Variants in WFDC5 observed in about 807,000 individuals in gnomAD.
The protein encoded by WFDC5 is WAP four-disulfide core domain 5.
Under a neutral mutation model 15.7 loss-of-function variants are expected in WFDC5, and 15 were observed. The ratio of observed to expected loss-of-function variants is 0.96; its 90% CI spans 0.64 to 1.47. The LOEUF (loss-of-function observed/expected upper bound fraction) is 1.47, where lower values mean the gene tolerates loss of function less well. Ranked by LOEUF, WFDC5 falls within the 40% of genes most tolerant of loss-of-function variation. The pLI is 0.00. For missense variants in WFDC5, 280 were observed against 258.0 expected, an observed-to-expected ratio of 1.09 and a Z score of -0.59; for synonymous variants, 109 against 107.7, an observed-to-expected ratio of 1.01 and a Z score of -0.07.
At chr20:45,110,343 T>C (rs756793359) in intron 3 of WFDC5, 57 bp downstream of exon 3, 1 of 1,546,840 alleles carries the variant, frequency 6.5e-7, no homozygotes, top group Non-Finnish European at 8.7e-7. Flanking sequence ...ATGAAGAAAG[T>C]ATTAGAGCTG....
chr20:45,114,272 G>T (rs1262826245), intron 1 of WFDC5, among the ~76,000 whole-genome samples: 1 of 152,142 alleles, frequency 6.6e-6, no homozygotes, highest in East Asian at 1.9e-4. Context: ...CCCAGAAAAG[G>T]ACGCAGGTGG....
intron 1 of WFDC5, among the ~76,000 whole-genome samples, chr20:45,114,086 C>T (rs1981691184): frequency 6.6e-6 from 1 of 152,204 alleles, no homozygotes; most frequent in South Asian, 2.1e-4. Flanking sequence ...TAGTCCTGTC[C>T]TCACAGCACC....
At chr20:45,110,910 T>C (rs991915335) in intron 1 of WFDC5, 135 bp from the exon 2 acceptor site, 9 of 1,245,544 alleles carry the variant, frequency 7.2e-6, no homozygotes, top group Non-Finnish European at 9.9e-6. Flanking sequence ...TATTTTTGTT[T>C]GTTTGTTTGT....
exon 2 of WFDC5, chr20:45,110,767 C>A (rs1981595679): frequency 6.2e-7 from 1 of 1,613,936 alleles, no homozygotes; most frequent in South Asian, 1.1e-5. Context: ...GGGCAGCCCC[C>A]CGATTTCTCT....
chr20:45,110,021 G>T lies in WFDC5; in HGVS notation c.394-8C>A. On this transcript the variant is annotated splice_region_variant and splice_polypyrimidine_tract_variant and intron_variant, in intron 3 of 3. Coordinates refer to ENST00000307971, the Ensembl canonical transcript of WFDC5. ...TCCTAAATCAGAATTAGCCTGAGGA[G>T]GGAGAAAGAAAGGGTTAATTCCTTC... 6.2e-7 allele frequency: 1 copy of T among 1,611,314 alleles called. No individual in the cohort carries two copies. The highest frequency in any genetic ancestry group is 8.5e-7 in the Non-Finnish European group (1 of 1,177,636).
At chr20:45,110,671 T>C (rs766988444) in exon 2 of WFDC5, 7 of 1,614,012 alleles carry the variant, frequency 4.3e-6, no homozygotes, top group Non-Finnish European at 5.9e-6. Flanking sequence ...AAGCAAGCTC[T>C]GTAGCAGCAC....
chr20:45,111,278 G>GC (rs1981610497), intron 1 of WFDC5, among the ~76,000 whole-genome samples: 1 of 122,506 alleles, frequency 8.2e-6, no homozygotes, highest in African/African-American at 3.4e-5. Context: ...AACTAGGTCA[G>GC]CGCCCCCCCA....
At chr20:45,114,067 G>A (rs902536066) in intron 1 of WFDC5, among the ~76,000 whole-genome samples, 7 of 152,172 alleles carry the variant, frequency 4.6e-5, no homozygotes. Flanking sequence ...TGCAAAATGG[G>A]GATGAAAATA....
exon 4 of WFDC5, chr20:45,109,749 C>T (rs1249122023): frequency 1.4e-6 from 1 of 719,062 alleles, no homozygotes; most frequent in East Asian, 2.7e-5. Flanking sequence ...GGGTGGGAAG[C>T]TCGTATGGCA....
chr20:45,115,496 A>AG (rs1981739881), upstream of WFDC5, among the ~76,000 whole-genome samples: 7 of 152,270 alleles, frequency 4.6e-5, no homozygotes, highest in South Asian at 1.5e-3. Flanking sequence ...TGAATAGCAA[A>AG]GGAGTGGGGG....
chr20:45,114,229 T>A (rs1981696146), intron 1 of WFDC5, among the ~76,000 whole-genome samples: 1 of 152,094 alleles, frequency 6.6e-6, no homozygotes, highest in Non-Finnish European at 1.5e-5. Context: ...GGGCAAGGGT[T>A]GCACAGGTGA....
intron 1 of WFDC5, among the ~76,000 whole-genome samples, chr20:45,111,290 C>G (rs1981613311): frequency 7.4e-6 from 1 of 135,642 alleles, no homozygotes; most frequent in South Asian, 2.3e-4. Flanking sequence ...GCCCCCCCAC[C>G]CCGGCCCCCA....
chr20:45,115,675 A>C (rs1262179647), upstream of WFDC5, among the ~76,000 whole-genome samples: 4 of 152,160 alleles, frequency 2.6e-5, no homozygotes, highest in African/African-American at 9.7e-5. Context: ...TGAGATCACC[A>C]GTGGCTTCTG....
intron 1 of WFDC5, among the ~76,000 whole-genome samples, chr20:45,113,534 T>G (rs1981676906): frequency 6.6e-6 from 1 of 152,354 alleles, no homozygotes; most frequent in East Asian, 1.9e-4. Flanking sequence ...CACCCACTTA[T>G]GCTGTGCTTA....
chr20:45,115,873 A>C (rs1037280922), upstream of WFDC5, among the ~76,000 whole-genome samples: 2 of 152,136 alleles, frequency 1.3e-5, no homozygotes, highest in Non-Finnish European at 2.9e-5. Context: ...CGTATCTCTG[A>C]TGTTGCCTCC....
Position 45,111,654 on chromosome 20 carries a change from T to C in WFDC5, c.86-879A>G, listed in dbSNP as rs77808269. 3.6e-3 allele frequency among the ~76,000 whole-genome samples: 555 copies of C among 152,320 alleles called. 3 individuals carry two copies. The Middle Eastern group carries it at 0.051, about 14-fold the overall frequency. ...TTCCTCTGAATGGTATAGAGTGTCC[T>C]GTCCCAGAGCTTACCTAACATTCTT... On this transcript the variant is annotated intron_variant, in intron 1 of 3. Coordinates refer to ENST00000307971, the Ensembl canonical transcript of WFDC5.
intron 1 of WFDC5, among the ~76,000 whole-genome samples, chr20:45,111,026 C>T (rs1981602234): frequency 6.6e-6 from 1 of 152,234 alleles, no homozygotes; most frequent in Non-Finnish European, 1.5e-5. Context: ...CCAACATCTC[C>T]ACTGTGGCCA....
intron 1 of WFDC5, among the ~76,000 whole-genome samples, 190 bp from the exon 2 acceptor site, chr20:45,110,965 G>T (rs1334088916): frequency 1.3e-5 from 2 of 152,182 alleles, no homozygotes; most frequent in Non-Finnish European, 2.9e-5. Flanking sequence ...GAAATGGGAA[G>T]CTGGGCTAGT....
chr20:45,114,862 TAC>T (rs967514577), intron 1 of WFDC5, 135 bp downstream of exon 1: 3 of 824,916 alleles, frequency 3.6e-6, no homozygotes, highest in Non-Finnish European at 3.7e-6. Flanking sequence ...CATCCACACA[TAC>T]ACACACGCAC....
Sources: gnomAD v4.1 joint callset for allele counts (sites outside exome capture counted in the v4.1 genomes callset) on GRCh38, gnomAD v4.1.1 for gene constraint, MANE v1.5 for transcripts, NCBI Gene and HGNC (gene_info 2026-07-23, HGNC 2026-07-21) for gene names.